The following HNRNPA0 variants were observed in gnomAD, a reference collection of about 807,000 sequenced individuals.
HNRNPA0 encodes the protein hnRNA binding protein.
For synonymous variants in HNRNPA0, 243 were observed against 195.5 expected, an observed-to-expected ratio of 1.24 and a Z score of -2.03; for missense variants, 252 against 433.7, an observed-to-expected ratio of 0.58 and a Z score of 3.72.
At position 137,749,840 on chromosome 5, in the gene HNRNPA0, A is replaced by G. The variant is rs1323269721; in HGVS notation, c.*3309T>C. On this transcript the variant is annotated 3_prime_UTR_variant, in exon 1 of 1. Coordinates refer to ENST00000314940, the MANE Select transcript of HNRNPA0 (RefSeq NM_006805.4). ...ACTTAAAAGGTAAACTAAGTTTACAAATCCAATAACTGATACCATCACTTC... is the reference window on the plus strand; with the variant it reads ...ACTTAAAAGGTAAACTAAGTTTACAGATCCAATAACTGATACCATCACTTC... 1 of 152,208 alleles carries G rather than the reference A, an allele frequency of 6.6e-6. No homozygotes were observed. Among genetic ancestry groups the G allele is most frequent in the Non-Finnish European group, 1.5e-5 (1 of 68,008 alleles). 9.4% of individuals were successfully genotyped at this position (152,208 alleles called of 1,614,324 possible). A position where few individuals can be genotyped will look rare whatever the true frequency, so the allele number is the denominator to read the frequency against.
rs765518153 is a variant in HNRNPA0 at position 137,753,517 on chromosome 5, C to T, written c.550G>A (p.Gly184Ser). ...VPKEDIYSGGGGGGSRSSRGG... is the reference protein window; with the variant it reads ...VPKEDIYSGGSGGGSRSSRGG... ...CGGGAGGATCGGGAGCCGCCTCCAC[C>T]CCCACCGGAGTAGATATCCTCCTTG... Residue 184 changes from glycine (G) to serine (S), a missense_variant, in exon 1 of 1, where the codon GGT becomes AGT. Coordinates refer to ENST00000314940, the MANE Select transcript of HNRNPA0 (RefSeq NM_006805.4). The surrounding 1 kb of genome is among the most constrained non-coding windows in gnomAD (Gnocchi z 6.1). 3.3e-5 allele frequency: 53 copies of T among 1,606,832 alleles called. No individual in the cohort carries two copies. The highest frequency in any genetic ancestry group is 4.4e-5 in the Non-Finnish European group (52 of 1,176,420).
rs1753490812 is a variant in HNRNPA0, at chr5:137,751,177, C to G, written c.*1972G>C. 1.3e-5 allele frequency: 2 copies of G among 151,760 alleles called. No individual in the cohort carries two copies. Among genetic ancestry groups the G allele is most frequent in the African/African-American group, 4.8e-5 (2 of 41,318 alleles). 9.4% of individuals were successfully genotyped at this position (151,760 alleles called of 1,614,324 possible). ...TACCTCAATGTGTAAAAACATCCAC[C>G]CCGTTTGTCATAGAGGATATAACAC... On this transcript the variant is annotated 3_prime_UTR_variant, in exon 1 of 1. Transcript: ENST00000314940.
chr5:137,753,665 C>T lies in HNRNPA0; in HGVS notation c.402G>A (p.Gln134=). The T allele has an allele frequency of 6.2e-7, 1 of 1,614,130 alleles. No individual in the cohort carries two copies. The highest frequency in any genetic ancestry group is 1.1e-5 in the South Asian group (1 of 91,090). The change falls in exon 1 of 1, where the codon CAG becomes CAA. Residue 134 remains glutamine (Q), a synonymous_variant. Transcript: ENST00000314940. This position sits in a 1 kb window ranked among gnomAD's most constrained non-coding sequence, Gnocchi z 6.1. ...VEKAEIIADK[Q]SGKKRGFGFV... Reference sequence around the variant, plus strand: ...AGCCGAATCCACGCTTCTTGCCGGACTGCTTGTCGGCAATAATCTCGGCCT... The same window carrying T: ...AGCCGAATCCACGCTTCTTGCCGGATTGCTTGTCGGCAATAATCTCGGCCT...
chr5:137,753,519 C>A lies in HNRNPA0; in HGVS notation c.548G>T (p.Gly183Val). 3.7e-6 allele frequency: 6 copies of A among 1,607,946 alleles called. No individual in the cohort carries two copies. Among genetic ancestry groups the A allele is most frequent in the Non-Finnish European group, 5.1e-6 (6 of 1,176,936 alleles). Reference sequence around the variant, plus strand: ...GGAGGATCGGGAGCCGCCTCCACCCCCACCGGAGTAGATATCCTCCTTGGG... The same window carrying A: ...GGAGGATCGGGAGCCGCCTCCACCCACACCGGAGTAGATATCCTCCTTGGG... ...AVPKEDIYSG[G>V]GGGGSRSSRG... The change falls in exon 1 of 1, where the codon GGG becomes GTG. Residue 183 changes from glycine to valine, a missense_variant. Coordinates refer to ENST00000314940, the MANE Select transcript of HNRNPA0 (RefSeq NM_006805.4). This position sits in a 1 kb window ranked among gnomAD's most constrained non-coding sequence, Gnocchi z 6.1.
Position 137,753,411 on chromosome 5 carries a change from C to G in HNRNPA0, c.656G>C (p.Ser219Thr), listed in dbSNP as rs754153801. The G allele has an allele frequency of 4.5e-6, 7 of 1,549,426 alleles. No individual in the cohort carries two copies. Among genetic ancestry groups the G allele is most frequent in the Non-Finnish European group, 6.1e-6 (7 of 1,146,438 alleles). Residue 219 changes from serine to threonine, a missense_variant, in exon 1 of 1, where the codon AGC becomes ACC. Coordinates refer to ENST00000314940, the MANE Select transcript of HNRNPA0 (RefSeq NM_006805.4). The surrounding 1 kb of genome is among the most constrained non-coding windows in gnomAD (Gnocchi z 6.1). ...TCCGCCGCCGCCGTAACCACCGTAG[C>G]TGTTGTAACCGCCGCCGCCGCCCTT... ...LSKGGGGGYN[S>T]YGGYGGGGGG...
Position 137,749,770 on chromosome 5 carries a change from C to T in HNRNPA0, c.*3379G>A, listed in dbSNP as rs577103284. On this transcript the variant is annotated 3_prime_UTR_variant, in exon 1 of 1. Coordinates refer to ENST00000314940, the MANE Select transcript of HNRNPA0 (RefSeq NM_006805.4). ...CCTATCTGCAATCAGCAGACGCGGG[C>T]AGACAAAATTTAACCTAAAATGCAA... is the stretch of plus-strand genomic sequence containing the variant. The T allele has an allele frequency of 3.3e-5, 5 of 152,262 alleles. No homozygotes were observed. Among genetic ancestry groups the T allele is most frequent in the African/African-American group, 1.2e-4 (5 of 41,562 alleles). 9.4% of individuals were successfully genotyped at this position (152,262 alleles called of 1,614,324 possible).
Position 137,753,864 on chromosome 5 carries a change from G to A in HNRNPA0, c.203C>T (p.Ser68Leu). The change falls in exon 1 of 1, where the codon TCG becomes TTG. Residue 68 changes from serine to leucine, a missense_variant. Physicochemically the swap from Ser to Leu is moderately radical, Grantham distance 145. Transcript: ENST00000314940. This position sits in a 1 kb window ranked among gnomAD's most constrained non-coding sequence, Gnocchi z 6.1. ...VEEADAAMAA[S>L]PHAVDGNTVE... ...AGTGTTGCCGTCCACGGCATGGGGC[G>A]AGGCGGCCATGGCGGCGTCCGCCTC... The A allele has an allele frequency of 6.2e-7, 1 of 1,613,212 alleles. No homozygotes were observed. Among genetic ancestry groups the A allele is most frequent in the Non-Finnish European group, 8.5e-7 (1 of 1,180,002 alleles).
rs1753544854 is a variant in HNRNPA0, at chr5:137,753,404, ACCGTAGCTGTTGTAACCG to A, written c.645_662del (p.Asn218_Tyr223del). ...CGCCGCCTCCGCCGCCGCCGTAACC[ACCGTAGCTGTTGTAACCG>A]CCGCCGCCGCCCTTGGAAAGGCCGT... On this transcript the variant is annotated inframe_deletion, in exon 1 of 1. Transcript: ENST00000314940. The surrounding 1 kb of genome is among the most constrained non-coding windows in gnomAD (Gnocchi z 6.1). The A allele has an allele frequency of 6.5e-7, 1 of 1,546,246 alleles. No homozygotes were observed. Among genetic ancestry groups the A allele is most frequent in the Admixed American group, 2.0e-5 (1 of 50,844 alleles).
chr5:137,753,246 C>A lies in HNRNPA0; in HGVS notation c.821G>T (p.Gly274Val). ...SYGPMKSGGG[G>V]GGGGSSWGGR... ...GCCCCAGCTACTGCCTCCACCGCCG[C>A]CGCCGCCGCCGCTCTTCATGGGCCC... Residue 274 changes from glycine to valine, a missense_variant, in exon 1 of 1, where the codon GGC becomes GTC. Physicochemically the swap from Gly to Val is moderately radical, Grantham distance 109. Coordinates refer to ENST00000314940, the MANE Select transcript of HNRNPA0 (RefSeq NM_006805.4). This position sits in a 1 kb window ranked among gnomAD's most constrained non-coding sequence, Gnocchi z 6.1. 1 of 1,608,692 alleles carries A rather than the reference C, an allele frequency of 6.2e-7. No homozygotes were observed. The highest frequency in any genetic ancestry group is 8.5e-7 in the Non-Finnish European group (1 of 1,177,486).
At position 137,748,676 on chromosome 5, in the gene HNRNPA0, T is replaced by C. The variant is rs767772263; in HGVS notation, c.*4473A>G. 7 of 152,162 alleles carry C rather than the reference T, an allele frequency of 4.6e-5. No individual in the cohort carries two copies. The highest frequency in any genetic ancestry group is 1.0e-4 in the Non-Finnish European group (7 of 68,018). 9.4% of individuals were successfully genotyped at this position (152,162 alleles called of 1,614,324 possible). On this transcript the variant is annotated 3_prime_UTR_variant, in exon 1 of 1. Coordinates refer to ENST00000314940, the MANE Select transcript of HNRNPA0 (RefSeq NM_006805.4). ...GCCAGTTTGTCCAAGGTCGCAGTGC[T>C]AGAAAGTGACTGTGTCAGGAACAGA...
At position 137,753,373 on chromosome 5, in the gene HNRNPA0, T is replaced by C. The variant is rs1753543617; in HGVS notation, c.694A>G (p.Asn232Asp). ...CCGCCGCCGCCGCCTCCGTAGGCAT[T>C]GTAGCCGCCGCCTCCGCCGCCGCCG... ...GYGGGGGGGY[N>D]AYGGGGGGSS... Residue 232 changes from asparagine to aspartate, a missense_variant, in exon 1 of 1, where the codon AAT becomes GAT. Coordinates refer to ENST00000314940, the MANE Select transcript of HNRNPA0 (RefSeq NM_006805.4). This position sits in a 1 kb window ranked among gnomAD's most constrained non-coding sequence, Gnocchi z 6.1. The C allele has an allele frequency of 6.5e-7, 1 of 1,546,062 alleles. No individual in the cohort carries two copies. Among genetic ancestry groups the C allele is most frequent in the Non-Finnish European group, 8.7e-7 (1 of 1,145,498 alleles).
Position 137,749,961 on chromosome 5 carries a change from G to A in HNRNPA0, c.*3188C>T, listed in dbSNP as rs7714367. On this transcript the variant is annotated 3_prime_UTR_variant, in exon 1 of 1. Transcript: ENST00000314940. ...TGAAAATTAGATTTGAATATGAAAC[G>A]TTCCAAATCACTAAGTTAAAAATGG... is the stretch of plus-strand genomic sequence containing the variant. 5 of 152,096 alleles carry A rather than the reference G, an allele frequency of 3.3e-5. No individual in the cohort carries two copies. The highest frequency in any genetic ancestry group is 7.4e-5 in the Non-Finnish European group (5 of 68,004). The allele number at this position is 152,096 out of a possible 1,614,324, so 9.4% of individuals were successfully genotyped here. A position where few individuals can be genotyped will look rare whatever the true frequency, so the allele number is the denominator to read the frequency against.
chr5:137,754,234 G>C lies in HNRNPA0; in HGVS notation c.-168C>G. 4.7e-5 allele frequency: 40 copies of C among 843,158 alleles called. No individual in the cohort carries two copies. Among genetic ancestry groups the C allele is most frequent in the South Asian group, 5.9e-5 (3 of 50,900 alleles). The allele number at this position is 843,158 out of a possible 1,614,324, so 52.2% of individuals were successfully genotyped here. On this transcript the variant is annotated 5_prime_UTR_variant, in exon 1 of 1. Coordinates refer to ENST00000314940, the MANE Select transcript of HNRNPA0 (RefSeq NM_006805.4). Reference sequence around the variant, plus strand: ...AAGGGAAGGGGAGGGAAGGAAGGAAGAGAGGAAGGGGGAGGGAAGGGGAGC... The same window carrying C: ...AAGGGAAGGGGAGGGAAGGAAGGAACAGAGGAAGGGGGAGGGAAGGGGAGC...
rs760615370 is a variant in HNRNPA0 at position 137,752,410 on chromosome 5, C to T, written c.*739G>A. 2 of 152,212 alleles carry T rather than the reference C, an allele frequency of 1.3e-5. No homozygotes were observed. The highest frequency in any genetic ancestry group is 2.9e-5 in the Non-Finnish European group (2 of 68,012). 9.4% of individuals were successfully genotyped at this position (152,212 alleles called of 1,614,324 possible). ...ACAGAAACTTAAGAGTTTAAAAAGC[C>T]ACATCCACCACTTCAAAAGTTTTGC... On this transcript the variant is annotated 3_prime_UTR_variant, in exon 1 of 1. Transcript: ENST00000314940.
rs375367856 is a variant in HNRNPA0 at position 137,753,536 on chromosome 5, C to T, written c.531G>A (p.Glu177=). 175 of 1,611,550 alleles carry T rather than the reference C, an allele frequency of 1.1e-4. No individual in the cohort carries two copies. Among genetic ancestry groups the T allele is most frequent in the Non-Finnish European group, 1.5e-4 (173 of 1,178,504 alleles). The change falls in exon 1 of 1, where the codon GAG becomes GAA. Residue 177 remains glutamate, a synonymous_variant. Transcript: ENST00000314940. The surrounding 1 kb of genome is among the most constrained non-coding windows in gnomAD (Gnocchi z 6.1). ...RVEVKKAVPK[E]DIYSGGGGGG... The stretch of plus-strand genomic sequence containing the variant: ...CTCCACCCCCACCGGAGTAGATATC[C>T]TCCTTGGGGACTGCTTTCTTCACCT...
In HNRNPA0 at chr5:137,754,168, T is replaced by C. The variant is rs2149949354; in HGVS notation, c.-102A>G. ...CTCTACACAGCTTGGGCCCAGCCGTTGCTGGAGCCACCCCCGCCGCTCACC... is the reference window on the plus strand; with the variant it reads ...CTCTACACAGCTTGGGCCCAGCCGTCGCTGGAGCCACCCCCGCCGCTCACC... On this transcript the variant is annotated 5_prime_UTR_variant, in exon 1 of 1. Transcript: ENST00000314940. The C allele has an allele frequency of 1.4e-6, 2 of 1,404,508 alleles. No homozygotes were observed. Among genetic ancestry groups the C allele is most frequent in the East Asian group, 5.1e-5 (2 of 39,408 alleles). 87.0% of individuals were successfully genotyped at this position (1,404,508 alleles called of 1,614,324 possible).
At position 137,753,905 on chromosome 5, in the gene HNRNPA0, G is replaced by A. The variant is rs761739976; in HGVS notation, c.162C>T (p.Thr54=). The A allele has an allele frequency of 1.9e-6, 3 of 1,613,882 alleles. No individual in the cohort carries two copies. Among genetic ancestry groups the A allele is most frequent in the East Asian group, 2.2e-5 (1 of 44,868 alleles). The change falls in exon 1 of 1, where the codon ACC becomes ACT. Residue 54 remains threonine (T), a synonymous_variant. Coordinates refer to ENST00000314940, the MANE Select transcript of HNRNPA0 (RefSeq NM_006805.4). The surrounding 1 kb of genome is among the most constrained non-coding windows in gnomAD (Gnocchi z 6.1). The part of the protein sequence containing the change: ...TKRSRCFGFV[T]YSNVEEADAA... Reference sequence around the variant, plus strand: ...CGTCCGCCTCCTCCACATTGGAGTAGGTCACGAAGCCAAAGCAACGGGAGC... The same window carrying A: ...CGTCCGCCTCCTCCACATTGGAGTAAGTCACGAAGCCAAAGCAACGGGAGC...
Position 137,746,587 on chromosome 5 carries a change from T to G in HNRNPA0, c.*6562A>C, listed in dbSNP as rs1184955577. 3 of 152,226 alleles carry G rather than the reference T, an allele frequency of 2.0e-5. No individual in the cohort carries two copies. The highest frequency in any genetic ancestry group is 7.2e-5 in the African/African-American group (3 of 41,458). 9.4% of individuals were successfully genotyped at this position (152,226 alleles called of 1,614,324 possible). ...TTCAAGTCTTTGCTCAAATGTCACT[T>G]TCTGAGAGACCTACCCATACCACCT... On this transcript the variant is annotated 3_prime_UTR_variant, in exon 1 of 1. Transcript: ENST00000314940.
chr5:137,749,508 T>C lies in HNRNPA0; in HGVS notation c.*3641A>G, dbSNP rs1288608867. On this transcript the variant is annotated 3_prime_UTR_variant, in exon 1 of 1. Transcript: ENST00000314940. ...TTTAAATTCTCATTCAAGGCAAATA[T>C]GAAGTTCACTCAAAAGCAGGACAGC... 1 of 152,200 alleles carries C rather than the reference T, an allele frequency of 6.6e-6. No homozygotes were observed. The highest frequency in any genetic ancestry group is 1.5e-5 in the Non-Finnish European group (1 of 68,024). 9.4% of individuals were successfully genotyped at this position (152,200 alleles called of 1,614,324 possible).
Sources: gnomAD v4.1 joint callset for allele counts on GRCh38, gnomAD v4.1.1 for gene constraint, Gnocchi (gnomAD v3.1) non-coding constraint, MANE v1.5 for transcripts, NCBI Gene and HGNC (gene_info 2026-07-23, HGNC 2026-07-21) for gene names.